The following AGAP1 variants were observed in gnomAD, a reference collection of about 807,000 sequenced individuals.
AGAP1 encodes ArfGAP with GTPase domain, ankyrin repeat and PH domain 1, also known as arf-GAP with GTPase, ANK repeat and PH domain-containing protein 1.
Under a neutral mutation model 105.3 loss-of-function variants are expected in AGAP1, and 29 were observed. The ratio of observed to expected loss-of-function variants is 0.28; its 90% confidence interval spans 0.21 to 0.38. The LOEUF is 0.38. Among genes scored for constraint, AGAP1 ranks in the 10% least tolerant of loss-of-function variants. The pLI is 1.00. For missense variants in AGAP1, 998 were observed against 1,165.1 expected (o/e 0.86, Z 2.09); for synonymous variants, 509 against 485.9 (o/e 1.05, Z -0.63).
chr2:235,563,502 C>T lies in AGAP1; in HGVS notation c.163+68653C>T, dbSNP rs1205378079. Among the ~76,000 whole-genome samples the T allele has an allele frequency of 2.7e-5, 4 of 150,502 alleles. No individual in the cohort carries two copies. In the East Asian group the frequency reaches 7.8e-4, roughly 29 times the overall value. On this transcript the variant is annotated intron_variant, in intron 1 of 17. Transcript: ENST00000304032. ...AGGAAAGTAATGTGTTAATTGGATC[C>T]AGGGTCCTCAGCACACACTGGGCTA...
At chr2:235,706,851 G>T (rs1432358892) in intron 1 of AGAP1, among the ~76,000 whole-genome samples, 1 of 152,178 alleles carries the variant, frequency 6.6e-6, no homozygotes, top group African/African-American at 2.4e-5. Context: ...TCACTTTGCA[G>T]ATCCTCTAAG....
chr2:235,818,024 G>A (rs1303092931), intron 9 of AGAP1, among the ~76,000 whole-genome samples: 2 of 152,134 alleles, frequency 1.3e-5, no homozygotes, highest in African/African-American at 4.8e-5. Context: ...AACATCTTAG[G>A]GCCGTCCCAA....
chr2:235,572,789 G>C (rs1454968511), intron 1 of AGAP1, among the ~76,000 whole-genome samples: 1 of 152,178 alleles, frequency 6.6e-6, no homozygotes, highest in African/African-American at 2.4e-5. Flanking sequence ...CACAAAGGAG[G>C]ACCTACTGTG....
intron 1 of AGAP1, among the ~76,000 whole-genome samples, chr2:235,636,582 C>T: frequency 6.6e-6 from 1 of 152,144 alleles, no homozygotes; most frequent in East Asian, 1.9e-4. Context: ...CTCCCCTAGG[C>T]ATCCCTCACT....
intron 12 of AGAP1, among the ~76,000 whole-genome samples, chr2:235,937,908 AT>A (rs2053068397): frequency 6.6e-6 from 1 of 152,214 alleles, no homozygotes; most frequent in Non-Finnish European, 1.5e-5. Flanking sequence ...GATCTGGACA[AT>A]GAAAGTTTCG....
rs1248408516 is a variant in AGAP1 at position 235,961,826 on chromosome 2, G to A, written c.1484-6636G>A. ...AGAGGTGGCAGTGAGCCGAGATCACGCCACTGCACTACAGCCTGGTGACAG... is the reference window on the plus strand; with the variant it reads ...AGAGGTGGCAGTGAGCCGAGATCACACCACTGCACTACAGCCTGGTGACAG... On this transcript the variant is annotated intron_variant, in intron 12 of 17. Coordinates refer to ENST00000304032, the MANE Select transcript of AGAP1 (RefSeq NM_001037131.3). The surrounding 1 kb of genome is among the most constrained non-coding windows in gnomAD (Gnocchi z 5.9). 6.6e-6 allele frequency among the ~76,000 whole-genome samples: 1 copy of A among 152,164 alleles called. No homozygotes were observed. The highest frequency in any genetic ancestry group is 2.4e-5 in the African/African-American group (1 of 41,454).
chr2:235,928,429 C>T (rs2052558926), intron 11 of AGAP1, among the ~76,000 whole-genome samples: 1 of 152,186 alleles, frequency 6.6e-6, no homozygotes, highest in Non-Finnish European at 1.5e-5. Flanking sequence ...GAGGGGGTCA[C>T]CCAGCAAGAC....
intron 9 of AGAP1, among the ~76,000 whole-genome samples, chr2:235,873,761 T>G (rs1359726296): frequency 6.6e-6 from 1 of 152,220 alleles, no homozygotes; most frequent in African/African-American, 2.4e-5. Context: ...GAGGTCTTAC[T>G]TTGTCACCCA....
intron 1 of AGAP1, among the ~76,000 whole-genome samples, chr2:235,581,134 C>CAAAAAA (rs60330965): frequency 1.6e-4 from 14 of 88,148 alleles, no homozygotes; most frequent in East Asian, 8.7e-4. Flanking sequence ...CCATCTCAAG[C>CAAAAAA]AAAAAAAAAA....
chr2:235,760,318 G>A (rs1954332737), intron 6 of AGAP1, among the ~76,000 whole-genome samples: 1 of 152,252 alleles, frequency 6.6e-6, no homozygotes. Context: ...GGCGGAGGTT[G>A]CAGTGAGCTG....
chr2:235,776,767 G>A (rs114692154), intron 6 of AGAP1, among the ~76,000 whole-genome samples: 7,840 of 152,198 alleles, frequency 0.052, 654 homozygotes, highest in African/African-American at 0.18. Context: ...CTGCAAGCTC[G>A]CACCCTTTCC....
chr2:235,514,167 CA>C (rs1942278681), intron 1 of AGAP1, among the ~76,000 whole-genome samples: 2 of 92,776 alleles, frequency 2.2e-5, no homozygotes, highest in Admixed American at 1.0e-4. Context: ...CGCGCGCACA[CA>C]CACACACACA....
chr2:235,558,095 G>C (rs759894670), intron 1 of AGAP1, among the ~76,000 whole-genome samples: 4 of 152,192 alleles, frequency 2.6e-5, no homozygotes, highest in Non-Finnish European at 5.9e-5. Flanking sequence ...CGAGTAGGAG[G>C]CTGGCGGCCT....
chr2:236,047,289 G>A (rs1434176208), intron 15 of AGAP1, among the ~76,000 whole-genome samples: 11 of 152,090 alleles, frequency 7.2e-5, no homozygotes, highest in Admixed American at 7.2e-4. Context: ...ATCCGGAGGT[G>A]CAGAAGCAGA....
rs576960089 is a variant in AGAP1, at chr2:235,542,224, G to C, written c.163+47375G>C. Among the ~76,000 whole-genome samples, 4 of 152,240 alleles carry C rather than the reference G, an allele frequency of 2.6e-5. No individual in the cohort carries two copies. In the East Asian group the frequency reaches 5.8e-4, roughly 22 times the overall value. On this transcript the variant is annotated intron_variant, in intron 1 of 17. Transcript: ENST00000304032. Reference sequence around the variant, plus strand: ...AGTTCAGACAGTGGGTCCCGGGGGGGGGCCAGTTGTCAGAGAGCCCGGAGT... The same window carrying C: ...AGTTCAGACAGTGGGTCCCGGGGGGCGGCCAGTTGTCAGAGAGCCCGGAGT...
chr2:235,748,258 A>G (rs1953128252), intron 5 of AGAP1, among the ~76,000 whole-genome samples: 1 of 152,218 alleles, frequency 6.6e-6, no homozygotes, highest in African/African-American at 2.4e-5. Flanking sequence ...CCAAGCGAGC[A>G]TGCCGCTGAG....
intron 1 of AGAP1, among the ~76,000 whole-genome samples, chr2:235,567,778 C>T (rs564875953): frequency 6.1e-5 from 9 of 146,730 alleles, no homozygotes; most frequent in Non-Finnish European, 1.0e-4. Flanking sequence ...CTGTGGGGGG[C>T]GGCTGAGGAA....
Position 236,089,701 on chromosome 2 carries a change from T to G in AGAP1, c.2115-30491T>G, listed in dbSNP as rs2059012474. 6.6e-6 allele frequency among the ~76,000 whole-genome samples: 1 copy of G among 152,218 alleles called. No homozygotes were observed. The highest frequency in any genetic ancestry group is 2.4e-5 in the African/African-American group (1 of 41,464). ...TACAGTCAGCATTAATATGCTGCTT[T>G]TCAGACATCCAAATGGGGGATTGAA... On this transcript the variant is annotated intron_variant, in intron 16 of 17. Transcript: ENST00000304032. The surrounding 1 kb of genome is among the most constrained non-coding windows in gnomAD (Gnocchi z 5.6).
rs1477452812 is a variant in AGAP1 at position 235,824,309 on chromosome 2, G to T, written c.1050+16978G>T. On this transcript the variant is annotated intron_variant, in intron 9 of 17. Transcript: ENST00000304032. This position sits in a 1 kb window ranked among gnomAD's most constrained non-coding sequence, Gnocchi z 5.2. ...GTTTGTAATTGGAGTATCTGGGATT[G>T]ACAGTGGCTTTAATTAGTTGATTAC... 2.6e-5 allele frequency among the ~76,000 whole-genome samples: 4 copies of T among 152,218 alleles called. No homozygotes were observed. Among genetic ancestry groups the T allele is most frequent in the Admixed American group, 1.3e-4 (2 of 15,284 alleles).
Sources: allele counts gnomAD v4.1 joint callset (sites outside exome capture counted in the v4.1 genomes callset), GRCh38; gene constraint gnomAD v4.1.1; non-coding constraint Gnocchi (gnomAD v3.1); transcripts MANE v1.5; gene names NCBI Gene and HGNC (gene_info 2026-07-23, HGNC 2026-07-21).